The following KIF13B variants were observed in gnomAD, a reference collection of about 807,000 sequenced individuals.
KIF13B encodes kinesin-like protein KIF13B.
Under a neutral mutation model 222.0 loss-of-function variants are expected in KIF13B, and 127 were observed. That is an observed-to-expected ratio of 0.57 (90% CI 0.50 to 0.66). The LOEUF (loss-of-function observed/expected upper bound fraction) is 0.66. Among genes scored for constraint, KIF13B ranks in the 30% least tolerant of loss-of-function variants. The probability of loss-of-function intolerance (pLI) is 0.00; values close to 1 mark genes in which losing one functional copy is unlikely to be tolerated. For synonymous variants in KIF13B, 976 were observed against 919.0 expected, an observed-to-expected ratio of 1.06 and a Z score of -1.12; for missense variants, 2,173 against 2,379.0, an observed-to-expected ratio of 0.91 and a Z score of 1.80.
intron 3 of KIF13B, among the ~76,000 whole-genome samples, chr8:29,193,070 C>T (rs959159909): frequency 1.3e-5 from 2 of 152,000 alleles, no homozygotes; most frequent in Non-Finnish European, 2.9e-5. Context: ...AGGTGAGGAT[C>T]GGCACACCTG....
chr8:29,124,589 A>G (rs1586811389), intron 26 of KIF13B, among the ~76,000 whole-genome samples: 1 of 152,066 alleles, frequency 6.6e-6, no homozygotes, highest in East Asian at 1.9e-4. Context: ...CTCTACTCAA[A>G]ATATAAAAAA....
intron 2 of KIF13B, among the ~76,000 whole-genome samples, chr8:29,203,169 T>A (rs184699662): frequency 6.6e-6 from 1 of 152,330 alleles, no homozygotes; most frequent in Non-Finnish European, 1.5e-5. Context: ...CACAAGGCTT[T>A]TTGCTTATTC....
At chr8:29,178,170 G>A (rs1409871347) in intron 8 of KIF13B, among the ~76,000 whole-genome samples, 2 of 152,036 alleles carry the variant, frequency 1.3e-5, no homozygotes, top group Non-Finnish European at 2.9e-5. Flanking sequence ...TTTCAGAGCA[G>A]TATACAAAAG....
At position 29,114,199 on chromosome 8, in the gene KIF13B, T is replaced by C. The variant is rs79551702; in HGVS notation, c.3838-644A>G. On this transcript the variant is annotated intron_variant, in intron 31 of 39. Coordinates refer to ENST00000524189, the MANE Select transcript of KIF13B (RefSeq NM_015254.4). Reference sequence around the variant, plus strand: ...GCAGAATACCATCAGGGAACAAAGGTAAAGGGGAGAGCACATGAAATGGGC... The same window carrying C: ...GCAGAATACCATCAGGGAACAAAGGCAAAGGGGAGAGCACATGAAATGGGC... 3.2e-3 allele frequency among the ~76,000 whole-genome samples: 491 copies of C among 151,980 alleles called. 3 individuals are homozygous for C. The highest frequency in any genetic ancestry group is 0.011 in the African/African-American group (467 of 41,448).
intron 21 of KIF13B, among the ~76,000 whole-genome samples, chr8:29,135,575 A>G (rs1810518664): frequency 6.6e-6 from 1 of 152,250 alleles, no homozygotes; most frequent in Non-Finnish European, 1.5e-5. Flanking sequence ...AATGAAAATA[A>G]ATCTGAATAT....
intron 5 of KIF13B, among the ~76,000 whole-genome samples, chr8:29,187,543 T>C (rs986147934): frequency 1.3e-5 from 2 of 151,964 alleles, no homozygotes; most frequent in Non-Finnish European, 2.9e-5. Flanking sequence ...AATAAAAGAT[T>C]TTCTCCGTTG....
intron 35 of KIF13B, among the ~76,000 whole-genome samples, chr8:29,100,639 G>A (rs1808744030): frequency 6.6e-6 from 1 of 152,118 alleles, no homozygotes; most frequent in South Asian, 2.1e-4. Context: ...GATGGAGGGG[G>A]TGTTTCCTCC....
intron 36 of KIF13B, among the ~76,000 whole-genome samples, chr8:29,094,763 T>C (rs185608715): frequency 6.6e-6 from 1 of 151,852 alleles, no homozygotes; most frequent in African/African-American, 2.4e-5. Flanking sequence ...CTTAACCAAG[T>C]CCAAAGATGC....
intron 29 of KIF13B, among the ~76,000 whole-genome samples, chr8:29,121,075 T>G (rs756963098): frequency 4.0e-5 from 6 of 151,274 alleles, no homozygotes; most frequent in African/African-American, 9.7e-5. Flanking sequence ...AGATTCTGGA[T>G]ATTAGCCCTT....
At chr8:29,201,419 C>A (rs556234797) in intron 2 of KIF13B, among the ~76,000 whole-genome samples, 1 of 152,160 alleles carries the variant, frequency 6.6e-6, no homozygotes, top group African/African-American at 2.4e-5. Flanking sequence ...TGCCAAAATA[C>A]GAAGAAGAAA....
chr8:29,079,309 G>C (rs570472446), intron 37 of KIF13B, among the ~76,000 whole-genome samples: 172 of 152,176 alleles, frequency 1.1e-3, no homozygotes, highest in African/African-American at 3.9e-3. Flanking sequence ...TGCAACTGCA[G>C]GGAGCAGCGC....
rs1807326451 is a variant in KIF13B, at chr8:29,072,191, C to CG, written c.4646dup (p.Ala1550GlyfsTer14). The CG allele has an allele frequency of 6.9e-7, 1 of 1,443,890 alleles. No individual in the cohort carries two copies. The highest frequency in any genetic ancestry group is 9.1e-7 in the Non-Finnish European group (1 of 1,099,426). 89.4% of individuals were successfully genotyped at this position (1,443,890 alleles called of 1,614,324 possible). On this transcript the variant is annotated frameshift_variant, in exon 39 of 40. Transcript: ENST00000524189. LOFTEE classifies it high-confidence loss of function. Reference sequence around the variant, plus strand: ...GGGGCCCGTCCTGTGCCTCCGGAGCCGGGGTGACCGCTGTGACAGCTATGA... The same window carrying CG: ...GGGGCCCGTCCTGTGCCTCCGGAGCCGGGGGTGACCGCTGTGACAGCTATGA...
chr8:29,208,656 A>C (rs980839005), intron 2 of KIF13B, among the ~76,000 whole-genome samples: 6 of 152,258 alleles, frequency 3.9e-5, no homozygotes, highest in African/African-American at 1.4e-4. Flanking sequence ...GACAACGGGC[A>C]GACCACGTAC....
At chr8:29,186,885 C>T (rs539820743) in intron 5 of KIF13B, among the ~76,000 whole-genome samples, 106 of 150,912 alleles carry the variant, frequency 7.0e-4, no homozygotes, top group African/African-American at 2.6e-3. Context: ...AGGAGAATTG[C>T]TTGAACCCGG....
intron 3 of KIF13B, 109 bp from the exon 4 acceptor site, chr8:29,191,166 A>C: frequency 2.6e-6 from 2 of 762,008 alleles, no homozygotes; most frequent in South Asian, 3.7e-5. Context: ...ACTGTCATAC[A>C]ATGGGAATTA....
intron 35 of KIF13B, among the ~76,000 whole-genome samples, chr8:29,103,038 C>T (rs907425650): frequency 3.9e-5 from 6 of 151,930 alleles, no homozygotes; most frequent in South Asian, 2.1e-4. Context: ...GTCAGGAGAT[C>T]GAGACCATCC....
chr8:29,149,015 C>T (rs544716064), intron 15 of KIF13B, among the ~76,000 whole-genome samples: 23 of 152,164 alleles, frequency 1.5e-4, no homozygotes, highest in Non-Finnish European at 2.5e-4. Flanking sequence ...AAGCTGAGGA[C>T]GTTTTCAGAG....
chr8:29,231,527 G>A (rs1310522699), intron 2 of KIF13B, among the ~76,000 whole-genome samples: 2 of 152,202 alleles, frequency 1.3e-5, no homozygotes, highest in Admixed American at 6.5e-5. Context: ...ACAGGTTTCT[G>A]TTGTGGTAAC....
At chr8:29,223,795 GA>G (rs1325951135) in intron 2 of KIF13B, among the ~76,000 whole-genome samples, 9 of 151,954 alleles carry the variant, frequency 5.9e-5, no homozygotes, top group Non-Finnish European at 1.2e-4. Flanking sequence ...GGGTTCAAGT[GA>G]TTCTCCTGCC....
Sources: allele counts gnomAD v4.1 joint callset (sites outside exome capture counted in the v4.1 genomes callset), GRCh38; gene constraint gnomAD v4.1.1; transcripts MANE v1.5; gene names NCBI Gene and HGNC (gene_info 2026-07-23, HGNC 2026-07-21).